PEBP4: variants seen among roughly 807,000 people sequenced by gnomAD.
PEBP4 encodes the protein phosphatidylethanolamine binding protein 4, also known as phosphatidylethanolamine-binding protein 4.
Under a neutral mutation model 23.9 loss-of-function variants are expected in PEBP4, and 22 were observed. The ratio of observed to expected loss-of-function variants is 0.92; its 90% CI spans 0.66 to 1.31. The LOEUF (loss-of-function observed/expected upper bound fraction) is 1.31, where lower values mean the gene tolerates loss of function less well. Among genes scored for constraint, PEBP4 ranks in the 40% most tolerant of loss-of-function variants. The pLI is 0.00. For missense variants in PEBP4, 324 were observed against 281.7 expected (o/e 1.15, Z -1.07); for synonymous variants, 112 against 99.3 (o/e 1.13, Z -0.76).
intron 1 of PEBP4, among the ~76,000 whole-genome samples, chr8:22,939,483 G>A (rs951197155): frequency 3.9e-5 from 6 of 151,988 alleles, no homozygotes; most frequent in African/African-American, 1.5e-4. Flanking sequence ...ATAACTGTTT[G>A]TTTAAAATAG....
chr8:22,927,791 G>T, intron 1 of PEBP4, 32 bp downstream of exon 1: 1 of 1,582,092 alleles, frequency 6.3e-7, no homozygotes, highest in Middle Eastern at 1.7e-4. Flanking sequence ...CTGTGCCCCC[G>T]ACCCCAGGGG....
intron 4 of PEBP4, among the ~76,000 whole-genome samples, chr8:22,735,495 A>T (rs6558183): frequency 0.25 from 37,590 of 152,198 alleles, 5,260 homozygotes; most frequent in African/African-American, 0.37. Flanking sequence ...CCAGCATGTG[A>T]GTCTTCAAGA....
At chr8:22,804,053 T>G (rs902682449) in intron 4 of PEBP4, among the ~76,000 whole-genome samples, 1 of 152,028 alleles carries the variant, frequency 6.6e-6, no homozygotes, top group Admixed American at 6.5e-5. Flanking sequence ...AGGGGCTGGG[T>G]GCGGTGGCTC....
At chr8:22,797,173 GAC>G in intron 4 of PEBP4, among the ~76,000 whole-genome samples, 1 of 149,864 alleles carries the variant, frequency 6.7e-6, no homozygotes, top group East Asian at 2.0e-4. Flanking sequence ...AGAATCGCTT[GAC>G]CCAGGAGGCG....
intron 3 of PEBP4, among the ~76,000 whole-genome samples, chr8:22,848,779 T>C (rs149852906): frequency 0.011 from 1,656 of 152,192 alleles, 21 homozygotes; most frequent in Non-Finnish European, 0.018. Flanking sequence ...CGATGATGAG[T>C]GTCATCAAGA....
chr8:22,907,222 G>T (rs1402279961), intron 3 of PEBP4, among the ~76,000 whole-genome samples: 1 of 152,216 alleles, frequency 6.6e-6, no homozygotes, highest in African/African-American at 2.4e-5. Context: ...ACTTTGGCAG[G>T]CCAAGGCGAG....
intron 4 of PEBP4, among the ~76,000 whole-genome samples, chr8:22,766,690 G>A (rs1028850656): frequency 5.9e-5 from 9 of 152,192 alleles, no homozygotes; most frequent in Admixed American, 2.0e-4. Flanking sequence ...CACCCGGGGC[G>A]GCGGTTGGGG....
At chr8:22,822,656 C>G (rs1275724080) in intron 3 of PEBP4, among the ~76,000 whole-genome samples, 1 of 151,882 alleles carries the variant, frequency 6.6e-6, no homozygotes. Flanking sequence ...CTGGTACTTT[C>G]TACATATTAA....
At chr8:22,737,457 G>A (rs949711887) in intron 4 of PEBP4, among the ~76,000 whole-genome samples, 14 of 152,152 alleles carry the variant, frequency 9.2e-5, no homozygotes, top group African/African-American at 3.4e-4. Flanking sequence ...CAGGCATCTC[G>A]CCATGGTCTT....
intron 3 of PEBP4, among the ~76,000 whole-genome samples, chr8:22,855,811 C>T (rs547259320): frequency 1.8e-4 from 28 of 151,992 alleles, no homozygotes; most frequent in South Asian, 2.1e-4. Context: ...GAGGCCAAAG[C>T]GGAAGAATTG....
At chr8:22,782,835 C>T (rs1805954828) in intron 4 of PEBP4, among the ~76,000 whole-genome samples, 1 of 152,226 alleles carries the variant, frequency 6.6e-6, no homozygotes, top group Non-Finnish European at 1.5e-5. Context: ...AGCCCACATA[C>T]ACATCACACC....
intron 4 of PEBP4, among the ~76,000 whole-genome samples, chr8:22,805,853 A>G (rs975203175): frequency 3.9e-5 from 6 of 151,962 alleles, no homozygotes. Flanking sequence ...AATGAAACCT[A>G]TTGCCTAAAT....
chr8:22,859,057 A>C (rs1807712639), intron 3 of PEBP4, among the ~76,000 whole-genome samples: 1 of 152,240 alleles, frequency 6.6e-6, no homozygotes, highest in Admixed American at 6.5e-5. Context: ...TAATACCCAA[A>C]CACTTCAAAA....
intron 4 of PEBP4, among the ~76,000 whole-genome samples, chr8:22,803,683 T>C (rs1806436570): frequency 6.6e-6 from 1 of 151,780 alleles, no homozygotes; most frequent in South Asian, 2.1e-4. Flanking sequence ...AATAAAAAAA[T>C]AAAATAAAAT....
chr8:22,921,869 G>A (rs9657264), intron 2 of PEBP4, among the ~76,000 whole-genome samples: 6,010 of 152,262 alleles, frequency 0.039, 387 homozygotes, highest in African/African-American at 0.14. Flanking sequence ...AGCGAGATGC[G>A]AGGCAGAGAG....
At chr8:22,818,150 C>T (rs777778601) in intron 3 of PEBP4, among the ~76,000 whole-genome samples, 6 of 152,172 alleles carry the variant, frequency 3.9e-5, no homozygotes, top group South Asian at 2.1e-4. Flanking sequence ...GTGTCAAGAA[C>T]GGTACCTATC....
intron 2 of PEBP4, chr8:22,924,644 A>G: frequency 3.0e-6 from 3 of 985,224 alleles, no homozygotes; most frequent in Non-Finnish European, 3.6e-6. Flanking sequence ...AACACCAAAA[A>G]GCAGGACGCT....
chr8:22,762,185 G>C (rs982368173), intron 4 of PEBP4, among the ~76,000 whole-genome samples: 1 of 152,090 alleles, frequency 6.6e-6, no homozygotes, highest in Non-Finnish European at 1.5e-5. Context: ...GTGTTCTGGG[G>C]AGCTGTGCAA....
intron 3 of PEBP4, among the ~76,000 whole-genome samples, chr8:22,838,522 G>C (rs1563232736): frequency 1.3e-5 from 2 of 152,212 alleles, no homozygotes. Context: ...CTGCCTTCTA[G>C]AAAGTCAAGA....
Sources: allele counts gnomAD v4.1 joint callset (sites outside exome capture counted in the v4.1 genomes callset), GRCh38; gene constraint gnomAD v4.1.1; transcripts MANE v1.5; gene names NCBI Gene and HGNC (gene_info 2026-07-23, HGNC 2026-07-21).